HDAC8: variants seen among roughly 807,000 people sequenced by gnomAD.
HDAC8 encodes the protein histone deacetylase-like 1.
Under a neutral mutation model 32.2 loss-of-function variants are expected in HDAC8, and 1 was observed. The observed-to-expected ratio is 0.03, with a 90% CI of 0.01 to 0.15. The LOEUF is 0.15. Ranked by LOEUF, HDAC8 falls within the 10% of genes least tolerant of loss-of-function variation. HDAC8 has a pLI of 1.00. For missense variants in HDAC8, 117 were observed against 300.0 expected, an observed-to-expected ratio of 0.39 and a Z score of 4.51; for synonymous variants, 108 against 113.9, an observed-to-expected ratio of 0.95 and a Z score of 0.33.
At chrX:72,527,378 G>A (rs1194732878) in intron 4 of HDAC8, among the ~76,000 whole-genome samples, 1 of 111,841 alleles carries the variant, frequency 8.9e-6, no homozygotes, top group Non-Finnish European at 1.9e-5. Flanking sequence ...GCCCAGTTGA[G>A]TTTAGTGTCT....
chrX:72,525,578 C>A (rs2050115024), intron 4 of HDAC8, among the ~76,000 whole-genome samples: 1 of 110,005 alleles, frequency 9.1e-6, no homozygotes, highest in Admixed American at 9.7e-5. Context: ...TCTTGGGAGG[C>A]CAAGGCGGGT....
intron 7 of HDAC8, among the ~76,000 whole-genome samples, chrX:72,487,086 G>T (rs1408270368): frequency 8.9e-6 from 1 of 111,848 alleles, no homozygotes; most frequent in African/African-American, 3.3e-5. Flanking sequence ...AGGCAAGCTG[G>T]AAGAATTTTT....
At chrX:72,534,513 T>C (rs1277169695) in intron 4 of HDAC8, among the ~76,000 whole-genome samples, 1 of 110,075 alleles carries the variant, frequency 9.1e-6, no homozygotes, top group East Asian at 2.9e-4. Context: ...TTTGCCATGT[T>C]GGCCAGGCTG....
intron 10 of HDAC8, among the ~76,000 whole-genome samples, chrX:72,348,185 C>T (rs781816536): frequency 8.9e-6 from 1 of 112,225 alleles, no homozygotes; most frequent in African/African-American, 3.2e-5. Flanking sequence ...GCTGGCTGAA[C>T]TCCCACACAT....
intron 4 of HDAC8, among the ~76,000 whole-genome samples, chrX:72,560,112 C>T (rs1224787109): frequency 8.9e-6 from 1 of 112,027 alleles, no homozygotes; most frequent in African/African-American, 3.2e-5. Context: ...GCGGTTTTGT[C>T]GACTAGAAAA....
chrX:72,357,334 T>C (rs1299764295), intron 9 of HDAC8, among the ~76,000 whole-genome samples: 1 of 108,270 alleles, frequency 9.2e-6, no homozygotes, highest in Non-Finnish European at 1.9e-5. Context: ...TACGACACAA[T>C]GCATGTCATA....
At chrX:72,532,653 CT>C (rs782110335) in intron 4 of HDAC8, among the ~76,000 whole-genome samples, 1 of 110,024 alleles carries the variant, frequency 9.1e-6, no homozygotes, top group East Asian at 2.8e-4. Context: ...CTCTTATTGA[CT>C]ACTTGTATAT....
At chrX:72,408,043 A>G (rs1410403480) in intron 9 of HDAC8, among the ~76,000 whole-genome samples, 2 of 112,266 alleles carry the variant, frequency 1.8e-5, no homozygotes, top group Non-Finnish European at 3.8e-5. Context: ...TTTGACCAAT[A>G]TAAATATATA....
chrX:72,449,015 T>G (rs1227120593), intron 9 of HDAC8, among the ~76,000 whole-genome samples: 2 of 112,203 alleles, frequency 1.8e-5, no homozygotes, highest in African/African-American at 6.5e-5. Flanking sequence ...GTGTGGTGAT[T>G]CCTCAAGGAT....
chrX:72,548,827 G>T (rs1319696016), intron 4 of HDAC8, among the ~76,000 whole-genome samples: 1 of 111,178 alleles, frequency 9.0e-6, no homozygotes, highest in Non-Finnish European at 1.9e-5. Context: ...GCACCACCAT[G>T]CCCAGCTAAT....
At chrX:72,392,980 T>C (rs1555964391) in intron 9 of HDAC8, among the ~76,000 whole-genome samples, 1 of 112,157 alleles carries the variant, frequency 8.9e-6, no homozygotes, top group Non-Finnish European at 1.9e-5. Context: ...GTAATGGAGA[T>C]GATCTTTCCC....
At chrX:72,407,301 A>G (rs1197502747) in intron 9 of HDAC8, among the ~76,000 whole-genome samples, 2 of 112,238 alleles carry the variant, frequency 1.8e-5, no homozygotes, top group African/African-American at 6.5e-5. Context: ...GGGTGAAGCC[A>G]CAGAAGCTCA....
rs376656223 is a variant in HDAC8 at position 72,554,993 on chromosome X, A to G, written c.437+12896T>C. On this transcript the variant is annotated intron_variant, in intron 4 of 10. Coordinates refer to ENST00000373573, the MANE Select transcript of HDAC8 (RefSeq NM_018486.3). ...CAAAACCGGTGCACTTAAGAAAAAC[A>G]CAACTAAGGACCCTCCACTTCACTC... Among the ~76,000 whole-genome samples, 6 of 111,885 alleles carry G rather than the reference A, an allele frequency of 5.4e-5. 1 individual carries two copies. The East Asian group carries it at 1.7e-3, about 32-fold the overall frequency.
chrX:72,442,851 C>A (rs2047203692), intron 9 of HDAC8, among the ~76,000 whole-genome samples: 1 of 110,317 alleles, frequency 9.1e-6, no homozygotes, highest in Non-Finnish European at 1.9e-5. Flanking sequence ...ATCTACCAAG[C>A]AAATGGAAAA....
intron 4 of HDAC8, among the ~76,000 whole-genome samples, chrX:72,546,213 T>C (rs782282151): frequency 4.5e-4 from 50 of 111,422 alleles, no homozygotes; most frequent in African/African-American, 1.6e-3. Context: ...TACCATTTAC[T>C]GCCCCCAGGT....
intron 4 of HDAC8, among the ~76,000 whole-genome samples, chrX:72,545,130 A>G (rs1556050491): frequency 1.8e-5 from 2 of 112,195 alleles, no homozygotes; most frequent in Admixed American, 9.4e-5. Flanking sequence ...GTAGAAGGTC[A>G]TTGGAAATGC....
intron 4 of HDAC8, among the ~76,000 whole-genome samples, chrX:72,518,720 T>G (rs1355319634): frequency 8.9e-6 from 1 of 111,741 alleles, no homozygotes; most frequent in Non-Finnish European, 1.9e-5. Context: ...TCCCCTGTGC[T>G]TTAGCTATTC....
intron 9 of HDAC8, among the ~76,000 whole-genome samples, chrX:72,457,947 G>T (rs1197710156): frequency 1.8e-5 from 2 of 111,270 alleles, no homozygotes; most frequent in African/African-American, 6.5e-5. Context: ...GTTAAGTAGT[G>T]TTAATATTTT....
At chrX:72,461,333 C>A (rs1252947664) in intron 9 of HDAC8, among the ~76,000 whole-genome samples, 1 of 111,897 alleles carries the variant, frequency 8.9e-6, no homozygotes, top group Admixed American at 9.5e-5. Flanking sequence ...ATTATCAGCA[C>A]ACTCACAGGT....
Sources: allele counts gnomAD v4.1 joint callset (sites outside exome capture counted in the v4.1 genomes callset), GRCh38; gene constraint gnomAD v4.1.1; transcripts MANE v1.5; gene names NCBI Gene and HGNC (gene_info 2026-07-23, HGNC 2026-07-21).